Variants in RTL4 observed in about 807,000 individuals in gnomAD.
RTL4 encodes the protein retrotransposon Gag-like protein 4.
RTL4 carries 4 observed loss-of-function variants against 5.3 expected under a neutral mutation model. That is an observed-to-expected ratio of 0.75 (90% CI 0.37 to 1.72). The LOEUF (loss-of-function observed/expected upper bound fraction) is 1.72. RTL4 is among the 40% of genes most tolerant of loss of function. The probability of loss-of-function intolerance (pLI) is 0.04; values close to 1 mark genes in which losing one functional copy is unlikely to be tolerated. For missense variants in RTL4, 260 were observed against 227.1 expected (o/e 1.14, Z -0.93); for synonymous variants, 98 against 87.3 (o/e 1.12, Z -0.68).
At chrX:112,365,300 A>G in the RTL4 span, among the ~76,000 whole-genome samples, 1 of 111,439 alleles carries the variant, frequency 9.0e-6, no homozygotes, top group African/African-American at 3.2e-5. Context: ...CAAGACAGAA[A>G]GAATGAGAGA....
chrX:112,097,903 G>A, the RTL4 span, among the ~76,000 whole-genome samples: 1 of 110,861 alleles, frequency 9.0e-6, no homozygotes, highest in Admixed American at 9.5e-5. Flanking sequence ...CCTGGCTATT[G>A]GTCCTCTTTT....
chrX:112,083,073 T>C, the RTL4 span, among the ~76,000 whole-genome samples: 1 of 109,964 alleles, frequency 9.1e-6, no homozygotes, highest in South Asian at 3.9e-4. Context: ...CAGCCCCAAG[T>C]CAACCCCCGC....
the RTL4 span, among the ~76,000 whole-genome samples, chrX:112,311,914 T>C: frequency 9.0e-6 from 1 of 111,252 alleles, no homozygotes; most frequent in Admixed American, 9.7e-5. Flanking sequence ...CCAACCCAAA[T>C]CACTGTTTCT....
At chrX:112,428,195 C>A in the RTL4 span, among the ~76,000 whole-genome samples, 2 of 111,521 alleles carry the variant, frequency 1.8e-5, no homozygotes, top group Non-Finnish European at 3.8e-5. Flanking sequence ...AAGTTGGTTC[C>A]ATATCTTTGC....
the RTL4 span, among the ~76,000 whole-genome samples, chrX:112,098,524 G>A: frequency 9.0e-6 from 1 of 111,449 alleles, no homozygotes; most frequent in Non-Finnish European, 1.9e-5. Flanking sequence ...AGATCCCTGA[G>A]GAATGACCAC....
chrX:112,134,272 G>T, the RTL4 span, among the ~76,000 whole-genome samples: 1 of 112,020 alleles, frequency 8.9e-6, no homozygotes, highest in South Asian at 3.7e-4. Flanking sequence ...AGAAACTCCA[G>T]TGCTTTGTGG....
the RTL4 span, among the ~76,000 whole-genome samples, chrX:112,364,640 G>C: frequency 9.0e-6 from 1 of 111,096 alleles, no homozygotes; most frequent in Non-Finnish European, 1.9e-5. Context: ...AAGAGCAGGA[G>C]GAATGGCAAC....
At chrX:112,324,028 A>G in the RTL4 span, among the ~76,000 whole-genome samples, 1 of 112,465 alleles carries the variant, frequency 8.9e-6, no homozygotes, top group Non-Finnish European at 1.9e-5. Context: ...CATCACTACT[A>G]CTTAAGTCCA....
At chrX:112,456,154 C>T (rs753468503) in exon 1 of RTL4, 48 of 299,897 alleles carry the variant, frequency 1.6e-4, no homozygotes, top group Non-Finnish European at 2.7e-4. Context: ...CTATAATCTG[C>T]TTATATTCTC....
the RTL4 span, among the ~76,000 whole-genome samples, chrX:112,094,858 T>C: frequency 1.8e-5 from 2 of 111,459 alleles, no homozygotes; most frequent in Non-Finnish European, 3.8e-5. Flanking sequence ...TATAATGAGC[T>C]GGACTGAGGA....
the RTL4 span, among the ~76,000 whole-genome samples, chrX:112,230,358 G>A: frequency 5.5e-4 from 62 of 112,505 alleles, no homozygotes; most frequent in South Asian, 2.6e-3. Context: ...CTGGTGTGCC[G>A]TTTGTTAAGC....
At chrX:112,346,758 G>A in the RTL4 span, among the ~76,000 whole-genome samples, 1 of 111,486 alleles carries the variant, frequency 9.0e-6, no homozygotes, top group Non-Finnish European at 1.9e-5. Flanking sequence ...GGAGACACAA[G>A]ACATAAACCC....
the RTL4 span, among the ~76,000 whole-genome samples, chrX:112,347,646 C>A: frequency 2.7e-5 from 3 of 111,499 alleles, no homozygotes; most frequent in African/African-American, 6.5e-5. Flanking sequence ...GATACTGCCA[C>A]TAGGAACAAT....
At chrX:112,402,399 ATTGTGTGT>A in the RTL4 span, among the ~76,000 whole-genome samples, 18 of 62,059 alleles carry the variant, frequency 2.9e-4, no homozygotes, top group African/African-American at 1.0e-3. Flanking sequence ...CGGAATTATT[ATTGTGTGT>A]GTGTGTGTGT....
At chrX:112,305,362 A>T in the RTL4 span, among the ~76,000 whole-genome samples, 11 of 97,164 alleles carry the variant, frequency 1.1e-4, no homozygotes, top group South Asian at 8.8e-4. Context: ...TTTTATTTTT[A>T]TTTATTTATT....
At chrX:112,251,230 G>C in the RTL4 span, among the ~76,000 whole-genome samples, 1 of 112,333 alleles carries the variant, frequency 8.9e-6, no homozygotes, top group Non-Finnish European at 1.9e-5. Context: ...AAATGTAAAA[G>C]ATTATATTAT....
chrX:112,443,876 C>A, the RTL4 span, among the ~76,000 whole-genome samples: 1 of 111,058 alleles, frequency 9.0e-6, no homozygotes, highest in Non-Finnish European at 1.9e-5. Context: ...TTTTATTTAT[C>A]CCATTCTGTG....
chrX:112,173,897 A>G, the RTL4 span, among the ~76,000 whole-genome samples: 33 of 111,182 alleles, frequency 3.0e-4, no homozygotes, highest in African/African-American at 1.1e-3. Flanking sequence ...AGGGCAGTAG[A>G]TAAACTAAGT....
chrX:112,252,607 C>T, the RTL4 span, among the ~76,000 whole-genome samples: 3 of 110,796 alleles, frequency 2.7e-5, no homozygotes, highest in Non-Finnish European at 5.7e-5. Flanking sequence ...TGCCCTTTTT[C>T]CCCGCTGGCT....
Sources: allele counts gnomAD v4.1 joint callset (sites outside exome capture counted in the v4.1 genomes callset), GRCh38; gene constraint gnomAD v4.1.1; transcripts MANE v1.5; gene names NCBI Gene and HGNC (gene_info 2026-07-23, HGNC 2026-07-21).